The following ZFAT variants were observed in gnomAD, a reference collection of about 807,000 sequenced individuals.
ZFAT encodes zinc finger and AT-hook domain containing.
A neutral mutation model predicts 117.7 loss-of-function variants in ZFAT; 64 were observed. The ratio of observed to expected loss-of-function variants is 0.54; its 90% CI spans 0.44 to 0.67. The LOEUF (loss-of-function observed/expected upper bound fraction) is 0.67, where lower values mean the gene tolerates loss of function less well. Ranked by LOEUF, ZFAT falls within the 30% of genes least tolerant of loss-of-function variation. The pLI, the probability that ZFAT is intolerant of heterozygous loss-of-function variation, is 0.00. For synonymous variants in ZFAT, 679 were observed against 615.0 expected, an observed-to-expected ratio of 1.10 and a Z score of -1.54; for missense variants, 1,433 against 1,584.5, an observed-to-expected ratio of 0.90 and a Z score of 1.62.
intron 7 of ZFAT, among the ~76,000 whole-genome samples, chr8:134,592,362 A>ACTACAC (rs1371949512): frequency 4.0e-4 from 61 of 152,320 alleles, no homozygotes; most frequent in African/African-American, 1.4e-3. Flanking sequence ...CAAGGTTCAC[A>ACTACAC]CTACACCGAG....
At chr8:134,799,042 T>C in the ZFAT span, among the ~76,000 whole-genome samples, 3 of 152,038 alleles carry the variant, frequency 2.0e-5, no homozygotes, top group Non-Finnish European at 4.4e-5. Context: ...CATGTGGAGC[T>C]CACTAAAACA....
At chr8:134,612,966 T>C (rs1212348275) in intron 3 of ZFAT, among the ~76,000 whole-genome samples, 1 of 152,214 alleles carries the variant, frequency 6.6e-6, no homozygotes. Context: ...GTGCCTATAA[T>C]AAAAACATTT....
chr8:134,525,801 C>T (rs2130509626), intron 12 of ZFAT, among the ~76,000 whole-genome samples: 1 of 152,344 alleles, frequency 6.6e-6, no homozygotes, highest in Non-Finnish European at 1.5e-5. Context: ...AGACTGGCAA[C>T]AAACACTAAA....
At chr8:134,706,421 T>C (rs1029319034) in intron 1 of ZFAT, among the ~76,000 whole-genome samples, 2 of 152,142 alleles carry the variant, frequency 1.3e-5, no homozygotes, top group African/African-American at 2.4e-5. Flanking sequence ...CCGGGAGTGG[T>C]GGCTCACGCC....
chr8:134,544,413 C>G (rs1009849045), intron 11 of ZFAT, among the ~76,000 whole-genome samples: 1 of 149,880 alleles, frequency 6.7e-6, no homozygotes, highest in African/African-American at 2.5e-5. Flanking sequence ...CTAACAACAA[C>G]AACAAAAGAA....
At chr8:134,745,251 T>C in the ZFAT span, among the ~76,000 whole-genome samples, 1 of 152,162 alleles carries the variant, frequency 6.6e-6, no homozygotes, top group Non-Finnish European at 1.5e-5. Flanking sequence ...TGGAATTCTG[T>C]CTACCACGGT....
chr8:134,619,835 G>A (rs1037247915), intron 3 of ZFAT, among the ~76,000 whole-genome samples: 5 of 152,170 alleles, frequency 3.3e-5, no homozygotes, highest in Non-Finnish European at 7.3e-5. Context: ...TCCGAAGCTC[G>A]GTGAGGAGAA....
chr8:134,550,878 C>A (rs568471027), intron 11 of ZFAT, among the ~76,000 whole-genome samples: 1 of 152,108 alleles, frequency 6.6e-6, no homozygotes, highest in South Asian at 2.1e-4. Context: ...AACAAGAAAA[C>A]CATGTGTAAT....
At chr8:134,509,989 T>G (rs1766583251) in intron 14 of ZFAT, 1 of 531,468 alleles carries the variant, frequency 1.9e-6, no homozygotes, top group African/African-American at 1.9e-5. Flanking sequence ...CATTGAGACG[T>G]TATTTGCATT....
At chr8:134,759,152 C>T in the ZFAT span, among the ~76,000 whole-genome samples, 1 of 152,158 alleles carries the variant, frequency 6.6e-6, no homozygotes, top group Non-Finnish European at 1.5e-5. Context: ...GAGGAGATGG[C>T]TTTACCAATG....
At chr8:134,722,213 T>C in the ZFAT span, among the ~76,000 whole-genome samples, 1 of 152,126 alleles carries the variant, frequency 6.6e-6, no homozygotes, top group Non-Finnish European at 1.5e-5. Context: ...TGGGAAGATG[T>C]GGGAGGCACA....
intron 10 of ZFAT, among the ~76,000 whole-genome samples, chr8:134,579,145 G>T (rs902017345): frequency 3.9e-5 from 6 of 152,306 alleles, no homozygotes; most frequent in East Asian, 3.9e-4. Flanking sequence ...TAAGCTTGGG[G>T]GGCCAGGTGG....
intron 12 of ZFAT, among the ~76,000 whole-genome samples, chr8:134,525,910 T>C (rs540196730): frequency 1.3e-5 from 2 of 152,360 alleles, no homozygotes; most frequent in African/African-American, 4.8e-5. Flanking sequence ...CAAAAACAAA[T>C]GAGCTTCTTT....
chr8:134,679,613 T>G (rs1396609608), intron 1 of ZFAT, among the ~76,000 whole-genome samples: 2 of 152,212 alleles, frequency 1.3e-5, no homozygotes, highest in Non-Finnish European at 2.9e-5. Context: ...TTATAAAACA[T>G]TCTACTATAA....
At chr8:134,737,399 A>G in the ZFAT span, among the ~76,000 whole-genome samples, 1 of 152,278 alleles carries the variant, frequency 6.6e-6, no homozygotes, top group African/African-American at 2.4e-5. Context: ...TGGCATGAAT[A>G]GTAAGATGCT....
chr8:134,660,466 C>T (rs987976659), intron 1 of ZFAT, among the ~76,000 whole-genome samples: 12 of 152,270 alleles, frequency 7.9e-5, no homozygotes, highest in African/African-American at 2.7e-4. Flanking sequence ...AGGTGGGCCC[C>T]ACCCCAGACA....
intron 15 of ZFAT, among the ~76,000 whole-genome samples, chr8:134,503,082 T>C (rs1253787911): frequency 2.0e-5 from 3 of 152,230 alleles, no homozygotes; most frequent in East Asian, 1.9e-4. Context: ...GCCTGCCACG[T>C]AGAGTGCTGC....
the ZFAT span, among the ~76,000 whole-genome samples, chr8:134,821,626 TAA>T: frequency 3.9e-4 from 59 of 152,138 alleles, no homozygotes; most frequent in African/African-American, 1.3e-3. Flanking sequence ...TTCAAATACT[TAA>T]GAGTTATTGT....
intron 11 of ZFAT, among the ~76,000 whole-genome samples, chr8:134,547,758 C>T (rs1822807562): frequency 6.6e-6 from 1 of 152,208 alleles, no homozygotes; most frequent in Non-Finnish European, 1.5e-5. Flanking sequence ...AAGAGGAGGG[C>T]TCCTGGTGGG....
Sources: gnomAD v4.1 joint callset for allele counts (sites outside exome capture counted in the v4.1 genomes callset) on GRCh38, gnomAD v4.1.1 for gene constraint, MANE v1.5 for transcripts, NCBI Gene and HGNC (gene_info 2026-07-23, HGNC 2026-07-21) for gene names.